ROBO1: variants seen among roughly 807,000 people sequenced by gnomAD.
ROBO1 encodes the protein roundabout homolog 1.
A neutral mutation model predicts 195.9 loss-of-function variants in ROBO1; 149 were observed. That is an observed-to-expected ratio of 0.76 (90% CI 0.67 to 0.87). The LOEUF (loss-of-function observed/expected upper bound fraction) is 0.87. Among genes scored for constraint, ROBO1 ranks in the 40% least tolerant of loss-of-function variants. The probability of loss-of-function intolerance (pLI) is 0.00; values close to 1 mark genes in which losing one functional copy is unlikely to be tolerated. For synonymous variants in ROBO1, 816 were observed against 733.2 expected, an observed-to-expected ratio of 1.11 and a Z score of -1.82; for missense variants, 1,933 against 2,068.3, an observed-to-expected ratio of 0.93 and a Z score of 1.27.
rs1286551135 is a variant in ROBO1, at chr3:79,364,482, AT to A, written c.88+225341del. On this transcript the variant is annotated intron_variant, in intron 2 of 30. Transcript: ENST00000464233. ...ATTACCCTCCCTTCATGCCACTCAT[AT>A]ATATTTTTCCATATTCTAGGTTTTT... is the stretch of plus-strand genomic sequence containing the variant. Among the ~76,000 whole-genome samples the A allele has an allele frequency of 2.6e-5, 4 of 151,850 alleles. No individual in the cohort carries two copies. In the East Asian group the frequency reaches 7.7e-4, roughly 29 times the overall value.
intron 7 of ROBO1, among the ~76,000 whole-genome samples, chr3:78,716,821 A>C (rs1376272767): frequency 6.6e-6 from 1 of 152,064 alleles, no homozygotes; most frequent in African/African-American, 2.4e-5. Flanking sequence ...CTCCTGGCCA[A>C]TTTAAGGACT....
intron 2 of ROBO1, among the ~76,000 whole-genome samples, chr3:79,473,230 T>C (rs1423739895): frequency 1.3e-5 from 2 of 152,020 alleles, no homozygotes; most frequent in Non-Finnish European, 2.9e-5. Context: ...ATGTGACAGA[T>C]ACAGAGAGAA....
chr3:78,816,287 G>T (rs372362486), intron 4 of ROBO1, among the ~76,000 whole-genome samples: 1 of 152,048 alleles, frequency 6.6e-6, no homozygotes, highest in South Asian at 2.1e-4. Context: ...ACTATTATGG[G>T]CCCATTGTTG....
intron 3 of ROBO1, among the ~76,000 whole-genome samples, chr3:78,997,860 T>A (rs930702885): frequency 2.0e-5 from 3 of 152,138 alleles, no homozygotes; most frequent in Admixed American, 1.3e-4. Context: ...GAAAGTTGCA[T>A]AGTGCAAGCA....
chr3:79,684,515 T>A (rs1947042134), intron 1 of ROBO1, among the ~76,000 whole-genome samples: 1 of 152,146 alleles, frequency 6.6e-6, no homozygotes, highest in Non-Finnish European at 1.5e-5. Flanking sequence ...ATAGCTGATT[T>A]AAAGTATTTG....
intron 2 of ROBO1, among the ~76,000 whole-genome samples, chr3:79,387,683 A>G (rs1354242340): frequency 7.6e-6 from 1 of 131,646 alleles, no homozygotes; most frequent in African/African-American, 2.8e-5. Context: ...CAAATATGTA[A>G]TAAGTACTCA....
intron 1 of ROBO1, among the ~76,000 whole-genome samples, chr3:79,662,525 A>G (rs1441145989): frequency 6.6e-6 from 1 of 152,078 alleles, no homozygotes; most frequent in Non-Finnish European, 1.5e-5. Flanking sequence ...GTGCTTGCCA[A>G]GTTTCTCCTC....
chr3:78,775,395 CT>C lies in ROBO1; in HGVS notation c.500-28496del, dbSNP rs143495221. ...TCCTATTTATATAATACATTTTATT[CT>C]ATTAAATATATTTCTAGTGTATTTA... is the stretch of plus-strand genomic sequence containing the variant. On this transcript the variant is annotated intron_variant, in intron 4 of 30. Transcript: ENST00000464233. Among the ~76,000 whole-genome samples, 1,305 of 152,138 alleles carry C rather than the reference CT, an allele frequency of 8.6e-3. 39 individuals carry two copies. The highest frequency in any genetic ancestry group is 0.082 in the East Asian group (426 of 5,176).
intron 9 of ROBO1, 57 bp downstream of exon 9, chr3:78,688,591 A>T: frequency 6.7e-7 from 1 of 1,484,042 alleles, no homozygotes; most frequent in Middle Eastern, 1.8e-4. Flanking sequence ...TTCTTCTCAT[A>T]CATCTTGGCA....
rs148019542 is a variant in ROBO1 at position 79,518,062 on chromosome 3, G to A, written c.88+71762C>T. 3.1e-4 allele frequency among the ~76,000 whole-genome samples: 47 copies of A among 152,304 alleles called. 1 individual carries two copies. The East Asian group carries it at 9.1e-3, about 29-fold the overall frequency. On this transcript the variant is annotated intron_variant, in intron 2 of 30. Transcript: ENST00000464233. ...TCCTGGAGCTTGCATTGCTGTCTGAGTGGCCTTCTAATTTACCTACAATGA... is the reference window on the plus strand; with the variant it reads ...TCCTGGAGCTTGCATTGCTGTCTGAATGGCCTTCTAATTTACCTACAATGA...
chr3:78,912,878 T>C (rs2038330064), intron 4 of ROBO1, among the ~76,000 whole-genome samples: 1 of 152,072 alleles, frequency 6.6e-6, no homozygotes, highest in Non-Finnish European at 1.5e-5. Flanking sequence ...AATGTAGAAT[T>C]GTGTATGAGT....
chr3:78,723,299 C>A (rs1349854558), intron 5 of ROBO1, among the ~76,000 whole-genome samples: 6 of 152,138 alleles, frequency 3.9e-5, no homozygotes, highest in Non-Finnish European at 8.8e-5. Context: ...CTAGGAGGAA[C>A]TGGCTATATC....
intron 4 of ROBO1, among the ~76,000 whole-genome samples, chr3:78,871,876 A>T (rs567934551): frequency 6.6e-6 from 1 of 152,232 alleles, no homozygotes; most frequent in Non-Finnish European, 1.5e-5. Flanking sequence ...AAGTGGAATT[A>T]CCCCACCTAT....
At chr3:79,246,294 C>T (rs1038066973) in intron 2 of ROBO1, among the ~76,000 whole-genome samples, 12 of 152,016 alleles carry the variant, frequency 7.9e-5, no homozygotes, top group Admixed American at 2.0e-4. Context: ...TTAATATCAT[C>T]CCAGTCTACA....
intron 2 of ROBO1, among the ~76,000 whole-genome samples, chr3:79,259,958 G>C (rs1481271069): frequency 2.0e-5 from 3 of 151,990 alleles, no homozygotes; most frequent in African/African-American, 7.2e-5. Flanking sequence ...TCTGAGACCG[G>C]AGGCAAATGT....
At chr3:79,208,916 A>G (rs2081921819) in intron 2 of ROBO1, among the ~76,000 whole-genome samples, 1 of 152,156 alleles carries the variant, frequency 6.6e-6, no homozygotes, top group Non-Finnish European at 1.5e-5. Context: ...CAAAAGAGTC[A>G]CAATGAAGTC....
At chr3:79,087,627 T>C (rs1214314671) in intron 3 of ROBO1, among the ~76,000 whole-genome samples, 3 of 151,932 alleles carry the variant, frequency 2.0e-5, no homozygotes, top group African/African-American at 7.2e-5. Flanking sequence ...TCCTTATTTC[T>C]TCCTTCCCCC....
intron 5 of ROBO1, among the ~76,000 whole-genome samples, chr3:78,731,967 T>C (rs2082295636): frequency 6.6e-6 from 1 of 152,122 alleles, no homozygotes; most frequent in Non-Finnish European, 1.5e-5. Context: ...AACTGTGATA[T>C]ACCAACACCA....
chr3:78,776,057 A>G (rs1035007739), intron 4 of ROBO1, among the ~76,000 whole-genome samples: 50 of 152,172 alleles, frequency 3.3e-4, no homozygotes, highest in African/African-American at 1.1e-3. Context: ...AATATATACC[A>G]TGCTATATTT....
Sources: gnomAD v4.1 joint callset for allele counts (sites outside exome capture counted in the v4.1 genomes callset) on GRCh38, gnomAD v4.1.1 for gene constraint, MANE v1.5 for transcripts, NCBI Gene and HGNC (gene_info 2026-07-23, HGNC 2026-07-21) for gene names.